The following APOO variants were observed in gnomAD, a reference collection of about 807,000 sequenced individuals.
APOO encodes apolipoprotein O, also known as MICOS complex subunit MIC26.
In APOO, 11 loss-of-function variants were observed where a neutral mutation model predicts 23.1. The ratio of observed to expected loss-of-function variants is 0.48; its 90% confidence interval spans 0.30 to 0.79. APOO has a LOEUF of 0.79. Among genes scored for constraint, APOO ranks in the 30% least tolerant of loss-of-function variants. The pLI, the probability that APOO is intolerant of heterozygous loss-of-function variation, is 0.07. For synonymous variants in APOO, 59 were observed against 54.8 expected (o/e 1.08, Z -0.34); for missense variants, 160 against 142.7 (o/e 1.12, Z -0.62).
At chrX:23,864,138 G>A (rs1285033338) in intron 5 of APOO, among the ~76,000 whole-genome samples, 1 of 109,424 alleles carries the variant, frequency 9.1e-6, no homozygotes, top group Non-Finnish European at 1.9e-5. Flanking sequence ...TGGGATTACA[G>A]GTATGCGCCA....
chrX:23,880,474 T>A (rs1380791316), intron 2 of APOO, among the ~76,000 whole-genome samples: 2 of 111,166 alleles, frequency 1.8e-5, no homozygotes, highest in African/African-American at 6.5e-5. Context: ...CCGAGGCAGG[T>A]GGATCACCTG....
intron 5 of APOO, among the ~76,000 whole-genome samples, chrX:23,867,107 GCTAAACGAAA>G (rs1288701940): frequency 1.0e-5 from 1 of 96,002 alleles, no homozygotes; most frequent in African/African-American, 4.3e-5. Flanking sequence ...CTCAAATTAA[GCTAAACGAAA>G]CGAAACGAAA....
intron 7 of APOO, among the ~76,000 whole-genome samples, chrX:23,853,394 A>G (rs1924635053): frequency 8.9e-6 from 1 of 111,971 alleles, no homozygotes; most frequent in Non-Finnish European, 1.9e-5. Context: ...GAAATTTAAG[A>G]ATATTGAATT....
chrX:23,868,441 A>C, intron 5 of APOO, 152 bp downstream of exon 5: 1 of 385,495 alleles, frequency 2.6e-6, no homozygotes, highest in Non-Finnish European at 4.5e-6. Flanking sequence ...GTTTAAAATC[A>C]AATATGATAA....
intron 5 of APOO, among the ~76,000 whole-genome samples, chrX:23,864,491 C>T (rs1001506341): frequency 1.8e-5 from 2 of 109,387 alleles, no homozygotes; most frequent in African/African-American, 3.3e-5. Context: ...TTAGTAGAGA[C>T]GGGTTTCACC....
chrX:23,893,837 G>A (rs572190586), intron 1 of APOO, among the ~76,000 whole-genome samples: 2 of 110,674 alleles, frequency 1.8e-5, no homozygotes, highest in South Asian at 7.7e-4. Flanking sequence ...CTTCCAAAGT[G>A]CTGGGATTAT....
intron 4 of APOO, among the ~76,000 whole-genome samples, chrX:23,872,289 C>T (rs1006908560): frequency 2.7e-5 from 3 of 110,543 alleles, no homozygotes; most frequent in Non-Finnish European, 5.7e-5. Context: ...CCTAGCTACT[C>T]GGGAGGCTGA....
Position 23,907,811 on chromosome X carries a change from A to C in APOO, c.-109T>G. ...GGCCTTGATTTCTCCAACCGCAAGC[A>C]GGCAGCGGTGCGGGTGACGGCCGTA... On this transcript the variant is annotated 5_prime_UTR_variant, in exon 1 of 9. Coordinates refer to ENST00000379226, the MANE Select transcript of APOO (RefSeq NM_024122.5). The C allele has an allele frequency of 1.1e-6, 1 of 936,470 alleles. No homozygotes were observed. Among genetic ancestry groups the C allele is most frequent in the Non-Finnish European group, 1.4e-6 (1 of 695,126 alleles). The allele number at this position is 936,470 out of a possible 1,213,427, so 77.2% of individuals were successfully genotyped here. A position where few individuals can be genotyped will look rare whatever the true frequency, so the allele number is the denominator to read the frequency against.
At chrX:23,892,381 A>G (rs112320421) in intron 1 of APOO, among the ~76,000 whole-genome samples, 2 of 109,731 alleles carry the variant, frequency 1.8e-5, no homozygotes, top group African/African-American at 3.3e-5. Flanking sequence ...CAGCCTCCCA[A>G]GTAGCTGGCA....
At chrX:23,849,609 A>AAAAAAAAAAAAAAAGGG (rs1311653969) in intron 7 of APOO, among the ~76,000 whole-genome samples, 1 of 94,478 alleles carries the variant, frequency 1.1e-5, no homozygotes, top group African/African-American at 4.5e-5. Context: ...AAAAAAAAAA[A>AAAAAAAAAAAAAAAGGG]GTTCGGGCAT....
intron 5 of APOO, among the ~76,000 whole-genome samples, chrX:23,865,064 G>A (rs59942390): frequency 1.8e-5 from 2 of 111,183 alleles, no homozygotes; most frequent in Non-Finnish European, 3.8e-5. Context: ...TCTCCCAAGA[G>A]GCCAGTGGTA....
intron 7 of APOO, among the ~76,000 whole-genome samples, chrX:23,851,785 G>C (rs1042257264): frequency 2.7e-5 from 3 of 112,202 alleles, no homozygotes; most frequent in Non-Finnish European, 5.6e-5. Flanking sequence ...TCGTAAGAGG[G>C]AAAAGGGATG....
chrX:23,888,218 T>C (rs1328761704), intron 1 of APOO, among the ~76,000 whole-genome samples: 1 of 112,176 alleles, frequency 8.9e-6, no homozygotes, highest in African/African-American at 3.2e-5. Context: ...AGTATTGGTG[T>C]TGGGTTAGAT....
Position 23,858,716 on chromosome X carries a change from G to C in APOO, c.406C>G (p.Leu136Val). Residue 136 changes from leucine to valine, a missense_variant, in exon 6 of 9, where the codon CTA becomes GTA. Physicochemically the swap from Leu to Val is conservative, Grantham distance 32 (BLOSUM62 1). Coordinates refer to ENST00000379226, the MANE Select transcript of APOO (RefSeq NM_024122.5). ...CCCATGAAACCAGGCGGATACACTAGCTTCTTTATTTTTGAACCTGATAAA... is the reference window on the plus strand; with the variant it reads ...CCCATGAAACCAGGCGGATACACTACCTTCTTTATTTTTGAACCTGATAAA... The part of the protein sequence containing the change: ...LLARGSKIKK[L>V]VYPPGFMGLA... 8.3e-7 allele frequency: 1 copy of C among 1,209,458 alleles called. No individual in the cohort carries two copies. Among genetic ancestry groups the C allele is most frequent in the Non-Finnish European group, 1.1e-6 (1 of 893,916 alleles).
At chrX:23,884,483 A>G (rs1003896804) in intron 1 of APOO, among the ~76,000 whole-genome samples, 1 of 112,105 alleles carries the variant, frequency 8.9e-6, no homozygotes, top group Non-Finnish European at 1.9e-5. Context: ...GTGTATATTT[A>G]TTGTGTACAA....
At chrX:23,861,503 G>C (rs1244849226) in intron 5 of APOO, among the ~76,000 whole-genome samples, 1 of 99,666 alleles carries the variant, frequency 1.0e-5, no homozygotes, top group Non-Finnish European at 2.0e-5. Context: ...CCAGTGTTAG[G>C]TTATAGCAAT....
chrX:23,836,928 AC>A (rs1923708601), intron 8 of APOO: 1 of 1,188,441 alleles, frequency 8.4e-7, no homozygotes, highest in Non-Finnish European at 1.1e-6. Flanking sequence ...AACAAGCAAC[AC>A]CTGGTCTCAT....
chrX:23,891,700 C>T (rs781416523), intron 1 of APOO, among the ~76,000 whole-genome samples: 1 of 110,750 alleles, frequency 9.0e-6, no homozygotes. Flanking sequence ...CCAAAGGTGA[C>T]CTTTTTTTTG....
At chrX:23,892,935 CA>C (rs202223071) in intron 1 of APOO, among the ~76,000 whole-genome samples, 2,285 of 77,521 alleles carry the variant, frequency 0.029, 67 homozygotes, top group African/African-American at 0.1. Flanking sequence ...GGGTTTTTTA[CA>C]AAAAAAAAAA....
Sources: gnomAD v4.1 joint callset for allele counts (sites outside exome capture counted in the v4.1 genomes callset) on GRCh38, gnomAD v4.1.1 for gene constraint, MANE v1.5 for transcripts, NCBI Gene and HGNC (gene_info 2026-07-23, HGNC 2026-07-21) for gene names.